Variants in TCF12 observed in about 807,000 individuals in gnomAD.
TCF12 encodes transcription factor 12.
A neutral mutation model predicts 86.0 loss-of-function variants in TCF12; 45 were observed. That is an observed-to-expected ratio of 0.52 (90% CI 0.41 to 0.67). The LOEUF (loss-of-function observed/expected upper bound fraction) is 0.67. TCF12 is among the 30% of genes least tolerant of loss of function. The probability of loss-of-function intolerance (pLI) is 0.00; values close to 1 mark genes in which losing one functional copy is unlikely to be tolerated. For missense variants in TCF12, 881 were observed against 859.9 expected (o/e 1.02, Z -0.31); for synonymous variants, 330 against 299.6 (o/e 1.10, Z -1.05).
chr15:57,187,072 T>C (rs2056710485), intron 6 of TCF12, among the ~76,000 whole-genome samples: 1 of 151,802 alleles, frequency 6.6e-6, no homozygotes, highest in Non-Finnish European at 1.5e-5. Context: ...TCCCACTCCT[T>C]AGGAGGCCAA....
intron 3 of TCF12, among the ~76,000 whole-genome samples, chr15:57,020,556 G>A (rs945288185): frequency 6.6e-6 from 1 of 152,168 alleles, no homozygotes; most frequent in African/African-American, 2.4e-5. Flanking sequence ...TTTTCCAAGT[G>A]TTCAAGCCAT....
intron 5 of TCF12, among the ~76,000 whole-genome samples, chr15:57,139,684 C>G (rs2052814268): frequency 6.6e-6 from 1 of 152,062 alleles, no homozygotes; most frequent in African/African-American, 2.4e-5. Flanking sequence ...AGCATTATAG[C>G]TGTGGCCTGC....
At chr15:57,192,888 A>G (rs1032986679) in intron 7 of TCF12, among the ~76,000 whole-genome samples, 1 of 152,250 alleles carries the variant, frequency 6.6e-6, no homozygotes, top group Non-Finnish European at 1.5e-5. Context: ...TTTGTAAGCC[A>G]TAATTTTAAC....
chr15:57,067,354 A>C (rs944524533), intron 4 of TCF12, among the ~76,000 whole-genome samples: 1 of 151,476 alleles, frequency 6.6e-6, no homozygotes, highest in Non-Finnish European at 1.5e-5. Context: ...TCCCGGCTAA[A>C]ACGGTGAAAC....
At chr15:57,240,303 T>C (rs1286311184) in intron 12 of TCF12, among the ~76,000 whole-genome samples, 1 of 152,100 alleles carries the variant, frequency 6.6e-6, no homozygotes, top group Non-Finnish European at 1.5e-5. Flanking sequence ...AAAAAACAGG[T>C]AACAGACAAA....
At chr15:57,114,039 A>G (rs981214500) in intron 5 of TCF12, among the ~76,000 whole-genome samples, 2 of 152,160 alleles carry the variant, frequency 1.3e-5, no homozygotes, top group South Asian at 2.1e-4. Flanking sequence ...GATCTTCTCA[A>G]TAGGGGTGGA....
At chr15:57,152,251 A>G (rs755488243) in intron 5 of TCF12, among the ~76,000 whole-genome samples, 25 of 152,232 alleles carry the variant, frequency 1.6e-4, no homozygotes, top group Admixed American at 3.3e-4. Flanking sequence ...GCATCCATCA[A>G]AATTATAAGT....
chr15:57,098,763 A>C (rs1234102242), intron 5 of TCF12, among the ~76,000 whole-genome samples: 1 of 152,226 alleles, frequency 6.6e-6, no homozygotes, highest in Admixed American at 6.5e-5. Flanking sequence ...AACCGGGTGA[A>C]ACAAAAAGTG....
intron 6 of TCF12, among the ~76,000 whole-genome samples, chr15:57,170,759 T>TAA (rs1567559665): frequency 3.1e-4 from 10 of 32,654 alleles, no homozygotes; most frequent in African/African-American, 1.2e-3. Context: ...ATATTATATA[T>TAA]TATATATATA....
chr15:56,919,085 T>A (rs1392743141), intron 1 of TCF12, 179 bp downstream of exon 1: 1 of 151,452 alleles, frequency 6.6e-6, no homozygotes, highest in South Asian at 2.1e-4. Context: ...GGGCGGAGGC[T>A]CGAGTCGCGG....
chr15:57,018,752 A>G (rs2065299301), intron 3 of TCF12, among the ~76,000 whole-genome samples: 1 of 152,124 alleles, frequency 6.6e-6, no homozygotes, highest in South Asian at 2.1e-4. Flanking sequence ...GGGGCCTGAT[A>G]ATTTGAAAGG....
intron 5 of TCF12, among the ~76,000 whole-genome samples, chr15:57,158,585 T>C (rs2054285003): frequency 6.6e-6 from 1 of 152,182 alleles, no homozygotes. Flanking sequence ...GCCAGAATTA[T>C]TGATTGGGAA....
chr15:57,157,045 C>CAAATAA (rs2054158935), intron 5 of TCF12, among the ~76,000 whole-genome samples: 1 of 152,180 alleles, frequency 6.6e-6, no homozygotes. Flanking sequence ...TTTGTTCCCT[C>CAAATAA]TATCTTCCCC....
chr15:57,262,320 G>A, intron 17 of TCF12, 112 bp downstream of exon 17: 1 of 825,278 alleles, frequency 1.2e-6, no homozygotes, highest in Non-Finnish European at 1.9e-6. Context: ...ATTGAGGTGA[G>A]GGAATTCCAA....
At chr15:56,957,996 C>T (rs2061569316) in intron 3 of TCF12, among the ~76,000 whole-genome samples, 1 of 152,152 alleles carries the variant, frequency 6.6e-6, no homozygotes, top group Non-Finnish European at 1.5e-5. Flanking sequence ...ATTTTCCAGT[C>T]TGGATGTTGA....
At chr15:57,126,513 T>A (rs1433183154) in intron 5 of TCF12, among the ~76,000 whole-genome samples, 1 of 152,212 alleles carries the variant, frequency 6.6e-6, no homozygotes, top group Non-Finnish European at 1.5e-5. Flanking sequence ...CATATTGCTT[T>A]AAGAAACAAA....
chr15:57,032,901 A>C (rs1596224685), intron 3 of TCF12, among the ~76,000 whole-genome samples: 1 of 152,262 alleles, frequency 6.6e-6, no homozygotes, highest in East Asian at 1.9e-4. Flanking sequence ...CAAAGACATT[A>C]AACCCTCCAT....
chr15:57,224,713 C>T (rs568599855), intron 8 of TCF12, among the ~76,000 whole-genome samples: 2 of 152,246 alleles, frequency 1.3e-5, no homozygotes, highest in African/African-American at 4.8e-5. Context: ...TAGGAAACTG[C>T]TGAAAATATA....
chr15:57,036,448 G>A (rs2066511818), intron 3 of TCF12, among the ~76,000 whole-genome samples: 1 of 152,140 alleles, frequency 6.6e-6, no homozygotes, highest in African/African-American at 2.4e-5. Flanking sequence ...CAGAGTAGCT[G>A]CACCATTTTA....
Sources: gnomAD v4.1 joint callset for allele counts (sites outside exome capture counted in the v4.1 genomes callset) on GRCh38, gnomAD v4.1.1 for gene constraint, MANE v1.5 for transcripts, NCBI Gene and HGNC (gene_info 2026-07-23, HGNC 2026-07-21) for gene names.